SRBD1: variants seen among roughly 807,000 people sequenced by gnomAD.
SRBD1 encodes the protein S1 RNA binding domain 1.
In SRBD1, 88 loss-of-function variants were observed where a neutral mutation model predicts 115.3. The ratio of observed to expected loss-of-function variants is 0.76; its 90% CI spans 0.64 to 0.91. The LOEUF is 0.91. Among genes scored for constraint, SRBD1 ranks in the 40% least tolerant of loss-of-function variants. The pLI is 0.00. For missense variants in SRBD1, 1,385 were observed against 1,177.4 expected, an observed-to-expected ratio of 1.18 and a Z score of -2.58; for synonymous variants, 509 against 407.7, an observed-to-expected ratio of 1.25 and a Z score of -2.99.
At position 45,389,553 on chromosome 2, in the gene SRBD1, A is replaced by C; in HGVS notation, c.2745T>G (p.Asp915Glu). ...DFKRSIVCLE[D>E]LQIGTVLTGK... ...CTGTAAGAACTGTCCCAATCTGCAG[A>C]TCTTCCAGGCATACTATGCTTCTCT... Residue 915 changes from aspartate to glutamate, a missense_variant, in exon 21 of 21, where the codon GAT (aspartate) becomes GAG (glutamate). Coordinates refer to ENST00000263736, the MANE Select transcript of SRBD1 (RefSeq NM_018079.5). The C allele has an allele frequency of 6.2e-7, 1 of 1,614,026 alleles. No individual in the cohort carries two copies. The highest frequency in any genetic ancestry group is 8.5e-7 in the Non-Finnish European group (1 of 1,179,942).
Position 45,414,744 on chromosome 2 carries a change from A to ATG in SRBD1, c.2334-1453_2334-1452dup, listed in dbSNP as rs1419000714. 1.2e-4 allele frequency among the ~76,000 whole-genome samples: 15 copies of ATG among 126,880 alleles called. 1 individual carries two copies. The highest frequency in any genetic ancestry group is 4.9e-5 in the Non-Finnish European group (3 of 61,650). The allele number at this position is 126,880 out of a possible 152,430, so 83.2% of individuals were successfully genotyped here. A position where few individuals can be genotyped will look rare whatever the true frequency, so the allele number is the denominator to read the frequency against. On this transcript the variant is annotated intron_variant, in intron 18 of 20. Coordinates refer to ENST00000263736, the MANE Select transcript of SRBD1 (RefSeq NM_018079.5). ...TACACACACACAGTGTGTATATAGTATGTACACACACACAGTGTGTATATA... is the reference window on the plus strand; with the variant it reads ...TACACACACACAGTGTGTATATAGTATGTGTACACACACACAGTGTGTATATA...
chr2:45,426,419 G>A (rs909141069), intron 16 of SRBD1, among the ~76,000 whole-genome samples: 1 of 152,212 alleles, frequency 6.6e-6, no homozygotes, highest in South Asian at 2.1e-4. Context: ...GGCTGTGGGC[G>A]CAGCTTCAGC....
intron 16 of SRBD1, among the ~76,000 whole-genome samples, chr2:45,438,019 A>C (rs992000199): frequency 2.6e-5 from 4 of 152,242 alleles, no homozygotes; most frequent in South Asian, 2.1e-4. Flanking sequence ...TAAACTATTA[A>C]CTTTGACTGA....
At chr2:45,516,019 C>T (rs1468890767) in intron 14 of SRBD1, among the ~76,000 whole-genome samples, 2 of 152,168 alleles carry the variant, frequency 1.3e-5, no homozygotes, top group Non-Finnish European at 2.9e-5. Flanking sequence ...TTTTCTTCCA[C>T]TCTCAAAACA....
intron 16 of SRBD1, among the ~76,000 whole-genome samples, chr2:45,454,605 A>G (rs1669096249): frequency 6.6e-6 from 1 of 151,870 alleles, no homozygotes; most frequent in African/African-American, 2.4e-5. Context: ...GGAGCAATTT[A>G]GGAATAATTA....
chr2:45,401,116 G>GGGA (rs1198699068), intron 19 of SRBD1, among the ~76,000 whole-genome samples: 1 of 152,016 alleles, frequency 6.6e-6, no homozygotes, highest in Non-Finnish European at 1.5e-5. Flanking sequence ...GTTACTTCTT[G>GGGA]GGAACTAGAG....
chr2:45,535,830 C>G (rs889781694), intron 14 of SRBD1, among the ~76,000 whole-genome samples: 1 of 151,924 alleles, frequency 6.6e-6, no homozygotes, highest in African/African-American at 2.4e-5. Context: ...GATTTCTTTT[C>G]TAACTCTCTT....
chr2:45,601,328 A>G (rs1674085237), intron 3 of SRBD1, among the ~76,000 whole-genome samples: 1 of 152,244 alleles, frequency 6.6e-6, no homozygotes, highest in Non-Finnish European at 1.5e-5. Context: ...TGCTGGCCAT[A>G]AGAATTTCAA....
intron 16 of SRBD1, among the ~76,000 whole-genome samples, chr2:45,476,344 C>T (rs1669802248): frequency 6.6e-6 from 1 of 151,976 alleles, no homozygotes. Context: ...AGTATAGTAC[C>T]TATCATTCAA....
chr2:45,412,599 T>C (rs796877272), intron 19 of SRBD1, among the ~76,000 whole-genome samples: 7 of 152,350 alleles, frequency 4.6e-5, no homozygotes, highest in African/African-American at 1.7e-4. Flanking sequence ...TTAAATATGC[T>C]GTTAAAAAGA....
chr2:45,499,890 T>A (rs1670574354), intron 14 of SRBD1, among the ~76,000 whole-genome samples: 1 of 152,190 alleles, frequency 6.6e-6, no homozygotes, highest in Non-Finnish European at 1.5e-5. Flanking sequence ...CTGTTTTGGT[T>A]ATAACAGCTT....
intron 14 of SRBD1, among the ~76,000 whole-genome samples, chr2:45,502,179 G>T (rs1020382532): frequency 6.6e-6 from 1 of 152,164 alleles, no homozygotes; most frequent in African/African-American, 2.4e-5. Flanking sequence ...AGGCAAACAG[G>T]GTCTGGAGTG....
At chr2:45,421,554 A>C (rs1668008116) in intron 16 of SRBD1, among the ~76,000 whole-genome samples, 1 of 147,478 alleles carries the variant, frequency 6.8e-6, no homozygotes, top group Non-Finnish European at 1.5e-5. Flanking sequence ...AAGTCAGAAA[A>C]TGAGCATCTT....
Position 45,590,037 on chromosome 2 carries a change from T to C in SRBD1, c.649-4263A>G, listed in dbSNP as rs1021058093. Among the ~76,000 whole-genome samples the C allele has an allele frequency of 4.6e-5, 7 of 152,222 alleles. 1 individual carries two copies. The highest frequency in any genetic ancestry group is 1.7e-4 in the African/African-American group (7 of 41,444). Reference sequence around the variant, plus strand: ...GAGAATGAAGGTATTTCCAGGCAGCTAAACAGGGAGGCAGGAATTCCAGGA... The same window carrying C: ...GAGAATGAAGGTATTTCCAGGCAGCCAAACAGGGAGGCAGGAATTCCAGGA... On this transcript the variant is annotated intron_variant, in intron 4 of 20. Transcript: ENST00000263736.
In SRBD1 at chr2:45,537,308, G is replaced by A. The variant is rs941379216; in HGVS notation, c.1874+9424C>T. Among the ~76,000 whole-genome samples, 9 of 151,992 alleles carry A rather than the reference G, an allele frequency of 5.9e-5. No homozygotes were observed. The East Asian group carries it at 7.7e-4, about 13-fold the overall frequency. ...AAAAATTGTACTTCTTGTCACTATC[G>A]CCTTACCTTGCTTTTAATTCTTGAT... On this transcript the variant is annotated intron_variant, in intron 14 of 20. Transcript: ENST00000263736.
chr2:45,576,268 T>C (rs1246790902), intron 7 of SRBD1, among the ~76,000 whole-genome samples: 3 of 152,244 alleles, frequency 2.0e-5, no homozygotes, highest in African/African-American at 4.8e-5. Context: ...TTTTCTAGCT[T>C]ACCTTATTGT....
chr2:45,458,408 T>A (rs1333550156), intron 16 of SRBD1, among the ~76,000 whole-genome samples: 1 of 152,142 alleles, frequency 6.6e-6, no homozygotes, highest in Non-Finnish European at 1.5e-5. Context: ...AGACTGAAAG[T>A]AGTCTGTTTA....
intron 15 of SRBD1, among the ~76,000 whole-genome samples, chr2:45,484,600 T>A (rs1670059858): frequency 1.3e-5 from 2 of 152,126 alleles, no homozygotes; most frequent in Non-Finnish European, 2.9e-5. Context: ...GAAATTCCCA[T>A]AACATATAAT....
chr2:45,500,009 A>G (rs1670578732), intron 14 of SRBD1, among the ~76,000 whole-genome samples: 2 of 151,542 alleles, frequency 1.3e-5, no homozygotes, highest in African/African-American at 2.4e-5. Flanking sequence ...AATTTTTAGT[A>G]TTTTTTTTCT....
Sources: allele counts gnomAD v4.1 joint callset (sites outside exome capture counted in the v4.1 genomes callset), GRCh38; gene constraint gnomAD v4.1.1; transcripts MANE v1.5; gene names NCBI Gene and HGNC (gene_info 2026-07-23, HGNC 2026-07-21).